ACTR3C: variants seen among roughly 807,000 people sequenced by gnomAD.
ACTR3C encodes the protein actin related protein 3C.
Under a neutral mutation model 26.3 loss-of-function variants are expected in ACTR3C, and 18 were observed. The observed-to-expected ratio is 0.68, with a 90% CI of 0.47 to 1.01. The LOEUF (loss-of-function observed/expected upper bound fraction) is 1.01. ACTR3C is among the 50% of genes least tolerant of loss of function. The pLI, the probability that ACTR3C is intolerant of heterozygous loss-of-function variation, is 0.00. For synonymous variants in ACTR3C, 55 were observed against 94.5 expected (o/e 0.58, Z 2.42); for missense variants, 184 against 250.7 (o/e 0.73, Z 1.80).
At chr7:150,085,421 C>T in the ACTR3C span, among the ~76,000 whole-genome samples, 1 of 151,986 alleles carries the variant, frequency 6.6e-6, no homozygotes, top group African/African-American at 2.4e-5. Flanking sequence ...AAGGGAAAAT[C>T]AGAAGAGAGT....
Position 150,286,509 on chromosome 7 carries a change from A to G in ACTR3C, c.329T>C (p.Val110Ala). 2.5e-6 allele frequency: 4 copies of G among 1,611,566 alleles called. No individual in the cohort carries two copies. Among genetic ancestry groups the G allele is most frequent in the Non-Finnish European group, 3.4e-6 (4 of 1,179,836 alleles). Reference sequence around the variant, plus strand: ...CACATCATACTTGGCAAATTCCTTGACTATATCGGGGCAAATGTAACAGTA... The same window carrying G: ...CACATCATACTTGGCAAATTCCTTGGCTATATCGGGGCAAATGTAACAGTA... The part of the protein sequence containing the change: ...EKYCYICPDI[V>A]KEFAKYDVDP... Residue 110 changes from valine (V) to alanine (A), a missense_variant, in exon 5 of 8, where the codon GTC (valine) becomes GCC (alanine). Val to Ala is a moderately conservative substitution (Grantham distance 64). Coordinates refer to ENST00000683684, the MANE Select transcript of ACTR3C (RefSeq NM_001164458.2).
At chr7:149,907,382 G>A in the ACTR3C span, among the ~76,000 whole-genome samples, 7 of 145,970 alleles carry the variant, frequency 4.8e-5, no homozygotes, top group Non-Finnish European at 7.5e-5. Context: ...AACTGTCCAC[G>A]GTGACCCAGG....
At chr7:149,904,546 C>CA in the ACTR3C span, among the ~76,000 whole-genome samples, 3 of 64,340 alleles carry the variant, frequency 4.7e-5, 1 homozygote, top group Admixed American at 3.8e-4. Context: ...ACAACAACAA[C>CA]AACAAAAAAA....
chr7:150,035,082 C>G, the ACTR3C span, among the ~76,000 whole-genome samples: 2 of 138,638 alleles, frequency 1.4e-5, no homozygotes, highest in African/African-American at 5.4e-5. Context: ...AAGATTTGAA[C>G]TTTCTACTTG....
At chr7:150,020,204 T>C in the ACTR3C span, among the ~76,000 whole-genome samples, 455 of 152,272 alleles carry the variant, frequency 3.0e-3, 2 homozygotes, top group Non-Finnish European at 5.0e-3. Flanking sequence ...ATAGAGGTCT[T>C]AATAAAGTTT....
the ACTR3C span, among the ~76,000 whole-genome samples, chr7:150,180,664 C>T: frequency 3.4e-5 from 5 of 149,120 alleles, no homozygotes; most frequent in African/African-American, 5.2e-5. Flanking sequence ...AGGCGCGCGC[C>T]ACCACGCCTG....
chr7:150,083,958 A>T, the ACTR3C span, among the ~76,000 whole-genome samples: 4 of 152,194 alleles, frequency 2.6e-5, no homozygotes, highest in Non-Finnish European at 5.9e-5. Context: ...CTACCAAATG[A>T]TCAATCTCTC....
At chr7:149,917,874 A>G in the ACTR3C span, among the ~76,000 whole-genome samples, 402 of 151,616 alleles carry the variant, frequency 2.7e-3, 1 homozygote, top group South Asian at 6.3e-3. Context: ...TCAAACCCCA[A>G]ACTTCAATCA....
chr7:149,921,545 C>T, the ACTR3C span, among the ~76,000 whole-genome samples: 2 of 152,072 alleles, frequency 1.3e-5, no homozygotes, highest in Non-Finnish European at 2.9e-5. Flanking sequence ...TTATTGAGCT[C>T]GTGTTGTCTA....
the ACTR3C span, among the ~76,000 whole-genome samples, chr7:150,085,613 G>T: frequency 6.6e-6 from 1 of 152,180 alleles, no homozygotes; most frequent in Non-Finnish European, 1.5e-5. Context: ...AAGCAAGTAT[G>T]TCAATGGGAA....
chr7:150,225,004 AGT>A, the ACTR3C span, among the ~76,000 whole-genome samples: 16,763 of 135,970 alleles, frequency 0.12, 1,045 homozygotes, highest in African/African-American at 0.18. Flanking sequence ...CACCCCCATT[AGT>A]GTGTGTGTGT....
chr7:149,970,444 G>A, the ACTR3C span, among the ~76,000 whole-genome samples: 1 of 151,994 alleles, frequency 6.6e-6, no homozygotes. Flanking sequence ...AAGGAAAAAC[G>A]ACCACCAAAT....
chr7:150,225,004 A>AGT, the ACTR3C span, among the ~76,000 whole-genome samples: 20,173 of 136,094 alleles, frequency 0.15, 1,468 homozygotes, highest in South Asian at 0.19. Context: ...CACCCCCATT[A>AGT]GTGTGTGTGT....
At chr7:150,046,437 C>G in the ACTR3C span, among the ~76,000 whole-genome samples, 1 of 145,646 alleles carries the variant, frequency 6.9e-6, no homozygotes, top group African/African-American at 2.5e-5. Context: ...AGGTAATGAC[C>G]AAAACCACCT....
At chr7:150,048,888 G>A in the ACTR3C span, among the ~76,000 whole-genome samples, 1 of 152,000 alleles carries the variant, frequency 6.6e-6, no homozygotes, top group African/African-American at 2.4e-5. Flanking sequence ...GAAAGGTCGC[G>A]GGGCGGCAGA....
the ACTR3C span, among the ~76,000 whole-genome samples, chr7:150,208,357 C>T: frequency 1.3e-5 from 2 of 152,096 alleles, no homozygotes; most frequent in African/African-American, 4.8e-5. Context: ...CAGAACAGGG[C>T]ACGCATGAGA....
the ACTR3C span, among the ~76,000 whole-genome samples, chr7:149,957,358 A>G: frequency 6.6e-6 from 1 of 152,220 alleles, no homozygotes; most frequent in Non-Finnish European, 1.5e-5. Flanking sequence ...ATTCCCAGAT[A>G]GCTGGTAAAG....
chr7:150,270,625 G>A (rs115251776), intron 6 of ACTR3C, among the ~76,000 whole-genome samples: 10,536 of 151,748 alleles, frequency 0.069, 378 homozygotes, highest in South Asian at 0.17. Flanking sequence ...CCCCCGCCCT[G>A]CAGCCCATGT....
the ACTR3C span, among the ~76,000 whole-genome samples, chr7:149,956,323 G>A: frequency 6.6e-6 from 1 of 152,180 alleles, no homozygotes; most frequent in Non-Finnish European, 1.5e-5. Context: ...TTGGGAAGCT[G>A]AGGTGGGAGG....
Sources: gnomAD v4.1 joint callset for allele counts (sites outside exome capture counted in the v4.1 genomes callset) on GRCh38, gnomAD v4.1.1 for gene constraint, MANE v1.5 for transcripts, NCBI Gene and HGNC (gene_info 2026-07-23, HGNC 2026-07-21) for gene names.